DCC: variants seen among roughly 807,000 people sequenced by gnomAD.
DCC encodes the protein netrin receptor DCC.
Under a neutral mutation model 172.5 loss-of-function variants are expected in DCC, and 58 were observed. The ratio of observed to expected loss-of-function variants is 0.34; its 90% CI spans 0.27 to 0.42. DCC has a LOEUF of 0.42. Ranked by LOEUF, DCC falls within the 10% of genes least tolerant of loss-of-function variation. The pLI is 1.00. For missense variants in DCC, 1,740 were observed against 1,791.0 expected, an observed-to-expected ratio of 0.97 and a Z score of 0.51; for synonymous variants, 709 against 644.5, an observed-to-expected ratio of 1.10 and a Z score of -1.52.
chr18:53,426,306 ATATATAT>A (rs201783958), intron 21 of DCC, among the ~76,000 whole-genome samples: 57,089 of 136,912 alleles, frequency 0.42, 13,617 homozygotes, highest in Non-Finnish European at 0.55. Flanking sequence ...TATATTTATA[ATATATAT>A]TATATATTTA....
At chr18:52,431,497 A>C (rs193192107) in intron 1 of DCC, among the ~76,000 whole-genome samples, 2 of 152,268 alleles carry the variant, frequency 1.3e-5, no homozygotes, top group East Asian at 3.9e-4. Context: ...AAAAGGGGAA[A>C]AATTCTGTGG....
At chr18:52,345,031 A>G (rs1420737174) in intron 1 of DCC, among the ~76,000 whole-genome samples, 1 of 152,148 alleles carries the variant, frequency 6.6e-6, no homozygotes, top group African/African-American at 2.4e-5. Flanking sequence ...CCTACTTTCC[A>G]TAGGAAGTTT....
At chr18:53,493,024 A>G (rs2045976990) in intron 26 of DCC, among the ~76,000 whole-genome samples, 1 of 152,126 alleles carries the variant, frequency 6.6e-6, no homozygotes, top group African/African-American at 2.4e-5. Flanking sequence ...TTCTCTTTGA[A>G]GATGTCCTTC....
intron 15 of DCC, among the ~76,000 whole-genome samples, chr18:53,376,279 G>T (rs1333673880): frequency 6.6e-6 from 1 of 152,188 alleles, no homozygotes; most frequent in African/African-American, 2.4e-5. Context: ...AGCTACTCGG[G>T]AGACTGAGGC....
At chr18:52,695,889 G>A (rs757750535) in intron 1 of DCC, among the ~76,000 whole-genome samples, 37 of 152,094 alleles carry the variant, frequency 2.4e-4, no homozygotes, top group Admixed American at 2.1e-3. Context: ...CTGTTGCAAG[G>A]CACCACTGGG....
chr18:52,988,895 A>T (rs573076192), intron 5 of DCC, among the ~76,000 whole-genome samples: 2 of 152,236 alleles, frequency 1.3e-5, no homozygotes, highest in South Asian at 4.1e-4. Context: ...TAAATGGCAA[A>T]ACACTCCAGG....
chr18:52,471,137 A>G (rs937878817), intron 1 of DCC, among the ~76,000 whole-genome samples: 1 of 152,104 alleles, frequency 6.6e-6, no homozygotes, highest in African/African-American at 2.4e-5. Context: ...GATCACTTGA[A>G]GTAAGGAGTT....
chr18:53,443,995 A>C (rs1912441247), intron 22 of DCC, among the ~76,000 whole-genome samples: 1 of 152,228 alleles, frequency 6.6e-6, no homozygotes, highest in African/African-American at 2.4e-5. Flanking sequence ...GGAGCAAAGA[A>C]AGTGATTCAT....
rs988959387 is a variant in DCC, at chr18:53,532,765, C to T, written c.*2112C>T. The T allele has an allele frequency of 6.7e-6, 1 of 150,374 alleles. No homozygotes were observed. The highest frequency in any genetic ancestry group is 1.5e-5 in the Non-Finnish European group (1 of 67,874). The allele number at this position is 150,374 out of a possible 1,614,324, so 9.3% of individuals were successfully genotyped here. A position where few individuals can be genotyped will look rare whatever the true frequency, so the allele number is the denominator to read the frequency against. ...GCTCAGTTTGGAATAGGTTGCAAAT[C>T]TCAGATTTTAGGGATTGAGTCACAC... On this transcript the variant is annotated 3_prime_UTR_variant, in exon 29 of 29. Transcript: ENST00000442544.
At chr18:52,783,247 T>G (rs370094653) in intron 2 of DCC, among the ~76,000 whole-genome samples, 6 of 150,904 alleles carry the variant, frequency 4.0e-5, no homozygotes, top group Middle Eastern at 3.4e-3. Context: ...TTAAAAGTGG[T>G]TTAACACCGA....
intron 15 of DCC, among the ~76,000 whole-genome samples, chr18:53,370,946 C>T (rs1298277349): frequency 6.6e-6 from 1 of 151,826 alleles, no homozygotes; most frequent in Non-Finnish European, 1.5e-5. Flanking sequence ...AAGTGATGTT[C>T]TCTCGTCTAA....
intron 12 of DCC, among the ~76,000 whole-genome samples, chr18:53,239,986 T>G (rs80027970): frequency 0.015 from 767 of 51,110 alleles, 6 homozygotes; most frequent in Admixed American, 0.058. Context: ...TGAGAAAATA[T>G]AAAAAAACAT....
chr18:52,792,607 G>A (rs530957848), intron 2 of DCC, among the ~76,000 whole-genome samples: 2 of 152,310 alleles, frequency 1.3e-5, no homozygotes, highest in African/African-American at 4.8e-5. Context: ...ATAGGTATTG[G>A]GGGATTCTCC....
chr18:52,590,347 G>A (rs967811951), intron 1 of DCC, among the ~76,000 whole-genome samples: 10 of 152,226 alleles, frequency 6.6e-5, no homozygotes, highest in Non-Finnish European at 1.5e-4. Flanking sequence ...TTTAAAATTA[G>A]CAAATTACCA....
intron 1 of DCC, among the ~76,000 whole-genome samples, chr18:52,632,300 C>T (rs1185982528): frequency 1.3e-5 from 2 of 152,076 alleles, no homozygotes; most frequent in Non-Finnish European, 2.9e-5. Flanking sequence ...TCAATTTTTG[C>T]TCATTGTTCT....
intron 1 of DCC, among the ~76,000 whole-genome samples, chr18:52,621,393 T>C (rs2034476560): frequency 1.3e-5 from 2 of 152,168 alleles, no homozygotes; most frequent in African/African-American, 2.4e-5. Context: ...AGGTAGGCTA[T>C]GGCAAAGTTT....
At chr18:53,168,770 C>T (rs2054965158) in intron 8 of DCC, among the ~76,000 whole-genome samples, 1 of 151,984 alleles carries the variant, frequency 6.6e-6, no homozygotes, top group South Asian at 2.1e-4. Context: ...GACAGAGAAG[C>T]TGACATGAAC....
At chr18:52,848,019 G>A (rs2038921422) in intron 2 of DCC, among the ~76,000 whole-genome samples, 1 of 151,822 alleles carries the variant, frequency 6.6e-6, no homozygotes, top group Admixed American at 6.6e-5. Context: ...AAACCAGGAA[G>A]GTAGCTTTTA....
rs572504829 is a variant in DCC, at chr18:53,268,095, A to G, written c.1912-37483A>G. Among the ~76,000 whole-genome samples, 5 of 152,322 alleles carry G rather than the reference A, an allele frequency of 3.3e-5. No individual in the cohort carries two copies. The South Asian group carries it at 6.2e-4, about 19-fold the overall frequency. ...AAATATTTGATTTCCACTTGAACAC[A>G]GGCAGCAAAAATGAGTTTATAGAAT... is the stretch of plus-strand genomic sequence containing the variant. On this transcript the variant is annotated intron_variant, in intron 12 of 28. Coordinates refer to ENST00000442544, the MANE Select transcript of DCC (RefSeq NM_005215.4).
Sources: allele counts gnomAD v4.1 joint callset (sites outside exome capture counted in the v4.1 genomes callset), GRCh38; gene constraint gnomAD v4.1.1; transcripts MANE v1.5; gene names NCBI Gene and HGNC (gene_info 2026-07-23, HGNC 2026-07-21).